ALKBH8: variants seen among roughly 807,000 people sequenced by gnomAD.
ALKBH8 encodes the protein alkB homolog 8, tRNA methyltransferase.
In ALKBH8, 36 loss-of-function variants were observed where a neutral mutation model predicts 59.8. That is an observed-to-expected ratio of 0.60 (90% CI 0.46 to 0.79). The LOEUF is 0.79. Ranked by LOEUF, ALKBH8 falls within the 30% of genes least tolerant of loss-of-function variation. The pLI is 0.00. For synonymous variants in ALKBH8, 276 were observed against 273.6 expected (o/e 1.01, Z -0.09); for missense variants, 768 against 801.0 (o/e 0.96, Z 0.50).
In ALKBH8 at chr11:107,504,789, C is replaced by T; in HGVS notation, c.1864G>A (p.Val622Met). Residue 622 changes from valine to methionine, a missense_variant, in exon 12 of 12, where the codon GTG (valine) becomes ATG (methionine). Transcript: ENST00000428149. ...AACACATGGTAGTAACGATGAAACA[C>T]AGGACTTGGGTCCTGGGATCCTATG... is the stretch of plus-strand genomic sequence containing the variant. ...GPIGSQDPSP[V>M]FHRYYHVFRE... is the part of the protein sequence containing the mutation. The T allele has an allele frequency of 3.2e-6, 5 of 1,552,002 alleles. No individual in the cohort carries two copies. In the East Asian group the frequency reaches 7.3e-5, roughly 23 times the overall value.
intron 10 of ALKBH8, among the ~76,000 whole-genome samples, chr11:107,515,634 G>A (rs568831512): frequency 6.4e-4 from 98 of 152,092 alleles, no homozygotes; most frequent in African/African-American, 2.3e-3. Flanking sequence ...TAGGATTACA[G>A]GTATGACCCA....
chr11:107,543,759 A>C (rs561715086), intron 7 of ALKBH8, among the ~76,000 whole-genome samples: 1 of 152,128 alleles, frequency 6.6e-6, no homozygotes, highest in Admixed American at 6.5e-5. Context: ...TGACTCAATA[A>C]AGGCAAAAAA....
At chr11:107,555,640 A>G (rs1864676886) in intron 3 of ALKBH8, among the ~76,000 whole-genome samples, 1 of 152,198 alleles carries the variant, frequency 6.6e-6, no homozygotes, top group South Asian at 2.1e-4. Flanking sequence ...AGAGTCTGTA[A>G]AAGTTTTCCT....
chr11:107,565,351 CAGA>C, intron 1 of ALKBH8: 1 of 580,586 alleles, frequency 1.7e-6, no homozygotes, highest in Non-Finnish European at 3.1e-6. Flanking sequence ...CCAAAGAAAA[CAGA>C]AGATTGACAC....
intron 7 of ALKBH8, among the ~76,000 whole-genome samples, chr11:107,536,654 A>G (rs1046408693): frequency 6.6e-5 from 10 of 152,164 alleles, no homozygotes; most frequent in African/African-American, 2.4e-4. Context: ...GGAACCCTGA[A>G]TGAAAGGTTC....
At chr11:107,560,222 T>C (rs577296296) in intron 2 of ALKBH8, among the ~76,000 whole-genome samples, 5 of 152,312 alleles carry the variant, frequency 3.3e-5, no homozygotes, top group Admixed American at 2.0e-4. Flanking sequence ...TCTCATTTAA[T>C]TATTGTCCGC....
At chr11:107,561,444 G>C (rs1241316183) in intron 1 of ALKBH8, among the ~76,000 whole-genome samples, 1 of 152,020 alleles carries the variant, frequency 6.6e-6, no homozygotes, top group African/African-American at 2.4e-5. Context: ...TTCTGTGGGT[G>C]AAAGGAAAGG....
rs116801871 is a variant in ALKBH8 at position 107,547,378 on chromosome 11, T to C, written c.771+2375A>G. ...CTCTCATGACCACTTGAAATCCTACTTCTAGGCTGTGGGAACATGAGCTTC... is the reference window on the plus strand; with the variant it reads ...CTCTCATGACCACTTGAAATCCTACCTCTAGGCTGTGGGAACATGAGCTTC... On this transcript the variant is annotated intron_variant, in intron 7 of 11. Coordinates refer to ENST00000428149, the MANE Select transcript of ALKBH8 (RefSeq NM_138775.3). 3.1e-3 allele frequency among the ~76,000 whole-genome samples: 472 copies of C among 152,322 alleles called. 4 individuals carry two copies. The highest frequency in any genetic ancestry group is 0.011 in the African/African-American group (452 of 41,572).
At chr11:107,511,836 A>G (rs1459264457) in intron 10 of ALKBH8, among the ~76,000 whole-genome samples, 1 of 152,130 alleles carries the variant, frequency 6.6e-6, no homozygotes, top group East Asian at 1.9e-4. Flanking sequence ...TCAGCCTCCC[A>G]AAGTGCTGGG....
At chr11:107,549,705 T>C in intron 7 of ALKBH8, 48 bp downstream of exon 7, 1 of 1,275,584 alleles carries the variant, frequency 7.8e-7, no homozygotes, top group Admixed American at 2.4e-5. Flanking sequence ...AAAAGGGCAT[T>C]GTACAAGGTA....
intron 11 of ALKBH8, among the ~76,000 whole-genome samples, chr11:107,510,117 A>G (rs1862560912): frequency 6.6e-6 from 1 of 152,196 alleles, no homozygotes; most frequent in African/African-American, 2.4e-5. Flanking sequence ...GGTTACTATT[A>G]AAAGTAAAAA....
chr11:107,511,928 T>C (rs1316618976), intron 10 of ALKBH8, among the ~76,000 whole-genome samples: 3 of 152,134 alleles, frequency 2.0e-5, no homozygotes, highest in African/African-American at 7.2e-5. Context: ...TGTCAAAACT[T>C]ATCAAGAATA....
rs1268743646 is a variant in ALKBH8, at chr11:107,553,864, T to A, written c.482A>T (p.Asp161Val). Residue 161 changes from aspartate to valine, a missense_variant, in exon 4 of 12, where the codon GAT becomes GTT. Physicochemically the swap from Asp to Val is radical, Grantham distance 152. Coordinates refer to ENST00000428149, the MANE Select transcript of ALKBH8 (RefSeq NM_138775.3). ...MLLESVDWTE[D>V]TDNQNSQKSL... ...TTACTTACAGTTTTGATTGTCTGTA[T>A]CTTCTGTCCAATCAACACTTTCCAA... 1.9e-6 allele frequency: 3 copies of A among 1,613,080 alleles called. No homozygotes were observed. The Admixed American group carries it at 5.0e-5, about 27-fold the overall frequency.
chr11:107,526,276 T>C (rs554916140), intron 8 of ALKBH8, among the ~76,000 whole-genome samples: 14 of 152,106 alleles, frequency 9.2e-5, no homozygotes, highest in Non-Finnish European at 1.8e-4. Flanking sequence ...TCACCAACAC[T>C]TGGTATTTTC....
In ALKBH8 at chr11:107,505,211, C is replaced by T. The variant is rs532327456; in HGVS notation, c.1442G>A (p.Arg481His). ...AATTTCTTGGAGAGCTGCCACTCTACGCTCCTAATGAAAAAAAACAAAACA... is the reference window on the plus strand; with the variant it reads ...AATTTCTTGGAGAGCTGCCACTCTATGCTCCTAATGAAAAAAAACAAAACA... Reference protein sequence around the residue: ...AVIHHFATAERRVAALQEIVR... With the variant: ...AVIHHFATAEHRVAALQEIVR... The change falls in exon 12 of 12, where the codon CGT (arginine) becomes CAT (histidine). Residue 481 changes from arginine (R) to histidine (H), a missense_variant. By Grantham distance (29) the Arg-to-His change is conservative. Coordinates refer to ENST00000428149, the MANE Select transcript of ALKBH8 (RefSeq NM_138775.3). The T allele has an allele frequency of 1.2e-4, 190 of 1,531,188 alleles. No individual in the cohort carries two copies. The Middle Eastern group carries it at 3.8e-3, about 30-fold the overall frequency. The allele number at this position is 1,531,188 out of a possible 1,614,324, so 94.9% of individuals were successfully genotyped here. A position where few individuals can be genotyped will look rare whatever the true frequency, so the allele number is the denominator to read the frequency against.
At chr11:107,549,896 C>CCAT in intron 6 of ALKBH8, 73 bp from the exon 7 acceptor site, 1 of 1,083,546 alleles carries the variant, frequency 9.2e-7, no homozygotes, top group Non-Finnish European at 1.4e-6. Context: ...ATAAATGTAG[C>CCAT]CTTATGCTAT....
At chr11:107,542,834 T>G (rs776408012) in intron 7 of ALKBH8, among the ~76,000 whole-genome samples, 1 of 152,082 alleles carries the variant, frequency 6.6e-6, no homozygotes, top group Admixed American at 6.5e-5. Flanking sequence ...TGCTTGAGAC[T>G]GGGAGGTCGA....
intron 8 of ALKBH8, among the ~76,000 whole-genome samples, chr11:107,526,616 G>A (rs1034491757): frequency 1.3e-5 from 2 of 151,914 alleles, no homozygotes; most frequent in East Asian, 3.8e-4. Context: ...TTAATAGTGT[G>A]TTATGAAATC....
intron 8 of ALKBH8, 132 bp downstream of exon 8, chr11:107,532,168 G>T: frequency 1.6e-6 from 1 of 606,304 alleles, no homozygotes; most frequent in Non-Finnish European, 2.7e-6. Context: ...AACGAAACTA[G>T]ATAGATGCCC....
Sources: gnomAD v4.1 joint callset for allele counts (sites outside exome capture counted in the v4.1 genomes callset) on GRCh38, gnomAD v4.1.1 for gene constraint, MANE v1.5 for transcripts, NCBI Gene and HGNC (gene_info 2026-07-23, HGNC 2026-07-21) for gene names.